ZC3H4: variants seen among roughly 807,000 people sequenced by gnomAD.
ZC3H4 encodes the protein zinc finger CCCH-type containing 4.
In ZC3H4, 13 loss-of-function variants were observed where a neutral mutation model predicts 108.3. The ratio of observed to expected loss-of-function variants is 0.12; its 90% CI spans 0.08 to 0.19. ZC3H4 has a LOEUF of 0.19. Ranked by LOEUF, ZC3H4 falls within the 10% of genes least tolerant of loss-of-function variation. The probability of loss-of-function intolerance (pLI) is 1.00; values close to 1 mark genes in which losing one functional copy is unlikely to be tolerated. For synonymous variants in ZC3H4, 917 were observed against 749.6 expected (o/e 1.22, Z -3.65); for missense variants, 1,734 against 1,838.8 (o/e 0.94, Z 1.04).
At position 47,069,439 on chromosome 19, in the gene ZC3H4, G is replaced by A. The variant is rs2057287000; in HGVS notation, c.2147-96C>T. On this transcript the variant is annotated intron_variant, in intron 13 of 14. Coordinates refer to ENST00000253048, the MANE Select transcript of ZC3H4 (RefSeq NM_015168.2). ...CTCACTGCAAACCCACACCGATGGCGATGGAGAAGGACGCACAGCCTGCCC... is the reference window on the plus strand; with the variant it reads ...CTCACTGCAAACCCACACCGATGGCAATGGAGAAGGACGCACAGCCTGCCC... The A allele has an allele frequency of 4.8e-6, 7 of 1,454,260 alleles. No homozygotes were observed. In the South Asian group the frequency reaches 6.6e-5, roughly 14 times the overall value. 90.1% of individuals were successfully genotyped at this position (1,454,260 alleles called of 1,614,324 possible). A position where few individuals can be genotyped will look rare whatever the true frequency, so the allele number is the denominator to read the frequency against.
intron 14 of ZC3H4, among the ~76,000 whole-genome samples, chr19:47,068,282 G>GC (rs1296086701): frequency 1.1e-4 from 17 of 152,308 alleles, no homozygotes; most frequent in Non-Finnish European, 2.4e-4. Context: ...GGCTGGTTCA[G>GC]CCCCCACTGT....
chr19:47,066,569 G>A lies in ZC3H4; in HGVS notation c.3699C>T (p.Thr1233=), dbSNP rs3810292. ...PKAAAAPAAT[T]ATPPPEGAPP... The stretch of plus-strand genomic sequence containing the variant: ...GGGCACCCTCGGGGGGTGGGGTGGC[G>A]GTGGTGGCAGCGGGGGCTGCAGCAG... Residue 1233 remains threonine, a synonymous_variant, in exon 15 of 15, where the codon ACC becomes ACT. Coordinates refer to ENST00000253048, the MANE Select transcript of ZC3H4 (RefSeq NM_015168.2). The A allele has an allele frequency of 0.018, 28,234 of 1,583,926 alleles. 1,114 individuals carry two copies. The highest frequency in any genetic ancestry group is 0.12 in the African/African-American group (8,853 of 74,696).
At position 47,085,180 on chromosome 19, in the gene ZC3H4, C is replaced by G. The variant is rs751592238; in HGVS notation, c.983G>C (p.Arg328Pro). ...CCCTCGACCTCGGGAGCCCCTGCCACGGCCTCGACTTAGCCCTGTGGAGGG... is the reference window on the plus strand; with the variant it reads ...CCCTCGACCTCGGGAGCCCCTGCCAGGGCCTCGACTTAGCCCTGTGGAGGG... Reference protein sequence around the residue: ...DSRGRGLSRGRGRGSRGRGKG... With the variant: ...DSRGRGLSRGPGRGSRGRGKG... The change falls in exon 8 of 15, where the codon CGT becomes CCT. Residue 328 changes from arginine (R) to proline (P), a missense_variant. This residue lies in a region of ZC3H4 where 403 missense variants were observed against 457.0 expected (regional missense o/e 0.88). Transcript: ENST00000253048. The G allele has an allele frequency of 6.2e-7, 1 of 1,613,578 alleles. No homozygotes were observed. Among genetic ancestry groups the G allele is most frequent in the Non-Finnish European group, 8.5e-7 (1 of 1,179,874 alleles).
At chr19:47,103,494 G>C (rs1014445856) in intron 2 of ZC3H4, among the ~76,000 whole-genome samples, 1 of 152,076 alleles carries the variant, frequency 6.6e-6, no homozygotes, top group Non-Finnish European at 1.5e-5. Flanking sequence ...TGTAGAGACA[G>C]GGTTTCAGGC....
In ZC3H4 at chr19:47,067,958, T is replaced by G. The variant is rs1028289503; in HGVS notation, c.2399-89A>C. On this transcript the variant is annotated intron_variant, in intron 14 of 14. Coordinates refer to ENST00000253048, the MANE Select transcript of ZC3H4 (RefSeq NM_015168.2). The surrounding 1 kb of genome is among the most constrained non-coding windows in gnomAD (Gnocchi z 6.4). ...CCCACAGCAGCCCACCGTGAGCAGC[T>G]CCTTTGCTTGTGCCTCTCAGAACCT... is the stretch of plus-strand genomic sequence containing the variant. 6.9e-6 allele frequency: 9 copies of G among 1,308,084 alleles called. No individual in the cohort carries two copies. In the African/African-American group the frequency reaches 1.3e-4, roughly 19 times the overall value. 81.0% of individuals were successfully genotyped at this position (1,308,084 alleles called of 1,614,324 possible).
At chr19:47,106,295 C>T (rs557299782) in intron 2 of ZC3H4, among the ~76,000 whole-genome samples, 5 of 152,322 alleles carry the variant, frequency 3.3e-5, no homozygotes, top group Non-Finnish European at 7.3e-5. Flanking sequence ...AACATGGCAG[C>T]ACCCAGGCAG....
chr19:47,071,696 G>A (rs2057328113), intron 13 of ZC3H4, 82 bp downstream of exon 13: 1 of 1,441,404 alleles, frequency 6.9e-7, no homozygotes, highest in Non-Finnish European at 9.2e-7. Flanking sequence ...TTGGACGAAG[G>A]AAGAAAAATC....
At chr19:47,084,514 C>A in intron 8 of ZC3H4, 59 bp from the exon 9 acceptor site, 1 of 1,572,628 alleles carries the variant, frequency 6.4e-7, no homozygotes, top group Admixed American at 1.7e-5. Flanking sequence ...GAGATGGGAT[C>A]GGGGTTAATA....
intron 2 of ZC3H4, chr19:47,096,782 C>T: frequency 1.0e-6 from 1 of 985,150 alleles, no homozygotes; most frequent in Non-Finnish European, 1.2e-6. Flanking sequence ...AATGCCATAT[C>T]TGTGCCAGGT....
intron 13 of ZC3H4, among the ~76,000 whole-genome samples, chr19:47,070,131 C>T (rs890943367): frequency 1.3e-5 from 2 of 151,226 alleles, no homozygotes; most frequent in African/African-American, 2.5e-5. Flanking sequence ...ATCACCGAAA[C>T]GGAGGGGGGG....
At chr19:47,083,482 G>A (rs1391100833) in intron 9 of ZC3H4, among the ~76,000 whole-genome samples, 1 of 152,080 alleles carries the variant, frequency 6.6e-6, no homozygotes, top group Non-Finnish European at 1.5e-5. Flanking sequence ...CAGCACTTCA[G>A]GAGGCTGGAA....
At chr19:47,090,826 C>T (rs1011469810) in intron 4 of ZC3H4, among the ~76,000 whole-genome samples, 1 of 152,090 alleles carries the variant, frequency 6.6e-6, no homozygotes, top group Admixed American at 6.6e-5. Context: ...GTATCAATAC[C>T]GGCTCATCAA....
In ZC3H4 at chr19:47,072,235, T is replaced by A; in HGVS notation, c.1803-114A>T. 2 of 1,392,864 alleles carry A rather than the reference T, an allele frequency of 1.4e-6. No individual in the cohort carries two copies. The highest frequency in any genetic ancestry group is 1.9e-6 in the Non-Finnish European group (2 of 1,030,862). 86.3% of individuals were successfully genotyped at this position (1,392,864 alleles called of 1,614,324 possible). ...AAGGTCATGGGCCCCAGACCAGGAC[T>A]CCCACAGCTGGGGAGAGAGGCAGGA... On this transcript the variant is annotated intron_variant, in intron 12 of 14. Coordinates refer to ENST00000253048, the MANE Select transcript of ZC3H4 (RefSeq NM_015168.2). This position sits in a 1 kb window ranked among gnomAD's most constrained non-coding sequence, Gnocchi z 5.6.
chr19:47,086,324 C>CA, intron 6 of ZC3H4, 60 bp downstream of exon 6: 2 of 1,603,374 alleles, frequency 1.2e-6, no homozygotes, highest in Non-Finnish European at 1.7e-6. Flanking sequence ...CAGCAGTGCT[C>CA]ACGCCCCGGA....
intron 2 of ZC3H4, among the ~76,000 whole-genome samples, chr19:47,100,007 C>T (rs1254973160): frequency 6.6e-6 from 1 of 152,032 alleles, no homozygotes; most frequent in Non-Finnish European, 1.5e-5. Flanking sequence ...CTCTGAATGA[C>T]CCATTAACTA....
rs1258999072 is a variant in ZC3H4, at chr19:47,067,603, C to T, written c.2665G>A (p.Asp889Asn). Residue 889 changes from aspartate (D) to asparagine (N), a missense_variant, in exon 15 of 15, where the codon GAT (aspartate) becomes AAT (asparagine). By Grantham distance (23) the Asp-to-Asn change is conservative. This residue lies in a region of ZC3H4 where 540 missense variants were observed against 484.1 expected (regional missense o/e 1.12). Transcript: ENST00000253048. This position sits in a 1 kb window ranked among gnomAD's most constrained non-coding sequence, Gnocchi z 6.4. ...GGCAGGGCGCGAGCCAGCCGAGGAT[C>T]GGAGGGTCCCGAATCACCTGGGCCA... Reference protein sequence around the residue: ...GSGPGDSGPSDPRLARALPTS... With the variant: ...GSGPGDSGPSNPRLARALPTS... The T allele has an allele frequency of 8.1e-6, 13 of 1,605,508 alleles. No individual in the cohort carries two copies. The highest frequency in any genetic ancestry group is 2.7e-5 in the African/African-American group (2 of 74,884).
chr19:47,077,511 A>G (rs1243119118), intron 11 of ZC3H4, among the ~76,000 whole-genome samples: 1 of 151,744 alleles, frequency 6.6e-6, no homozygotes, highest in Non-Finnish European at 1.5e-5. Flanking sequence ...ACACAAAAAC[A>G]TAGATAAAAT....
intron 4 of ZC3H4, among the ~76,000 whole-genome samples, chr19:47,091,918 A>T (rs2057738994): frequency 6.6e-6 from 1 of 151,930 alleles, no homozygotes; most frequent in Non-Finnish European, 1.5e-5. Context: ...ATGAACGCAT[A>T]AAAAAGTCGG....
At chr19:47,077,823 C>T (rs2057450028) in intron 11 of ZC3H4, among the ~76,000 whole-genome samples, 1 of 149,772 alleles carries the variant, frequency 6.7e-6, no homozygotes, top group African/African-American at 2.5e-5. Flanking sequence ...CGCCACTGTG[C>T]TCCAGCCTGG....
Sources: gnomAD v4.1 joint callset for allele counts (sites outside exome capture counted in the v4.1 genomes callset) on GRCh38, gnomAD v4.1.1 for gene constraint, gnomAD v4.1.1 regional missense constraint, Gnocchi (gnomAD v3.1) non-coding constraint, MANE v1.5 for transcripts, NCBI Gene and HGNC (gene_info 2026-07-23, HGNC 2026-07-21) for gene names.